Variants in ARPC4 observed in about 807,000 individuals in gnomAD.
ARPC4 encodes actin related protein 2/3 complex subunit 4, also known as actin-related protein 2/3 complex subunit 4.
ARPC4 carries 3 observed loss-of-function variants against 22.8 expected under a neutral mutation model. The ratio of observed to expected loss-of-function variants is 0.13; its 90% CI spans 0.06 to 0.34. The LOEUF is 0.34. Among genes scored for constraint, ARPC4 ranks in the 10% least tolerant of loss-of-function variants. The probability of loss-of-function intolerance (pLI) is 1.00; values close to 1 mark genes in which losing one functional copy is unlikely to be tolerated. For synonymous variants in ARPC4, 80 were observed against 72.5 expected (o/e 1.10, Z -0.52); for missense variants, 98 against 211.0 (o/e 0.46, Z 3.32).
At chr3:9,792,940 C>A, upstream of ARPC4, 1 of 1,414,392 alleles carries the variant, frequency 7.1e-7, no homozygotes, top group South Asian at 1.5e-5. Context: ...ACCGAGACAG[C>A]CCTAGGTGGA....
intron 5 of ARPC4, among the ~76,000 whole-genome samples, chr3:9,805,626 G>A (rs1379672052): frequency 2.0e-5 from 3 of 152,230 alleles, no homozygotes; most frequent in Non-Finnish European, 2.9e-5. Flanking sequence ...AATTCATATT[G>A]TTTTAAACAC....
intron 5 of ARPC4, among the ~76,000 whole-genome samples, chr3:9,805,862 C>G (rs2079096795): frequency 6.6e-6 from 1 of 152,224 alleles, no homozygotes; most frequent in African/African-American, 2.4e-5. Flanking sequence ...TCCCCAGGCC[C>G]CTTGCATGAG....
intron 2 of ARPC4, among the ~76,000 whole-genome samples, chr3:9,799,453 T>G (rs2078964234): frequency 6.6e-6 from 1 of 152,122 alleles, no homozygotes; most frequent in Admixed American, 6.5e-5. Flanking sequence ...AGGTTTTTTT[T>G]TTTTTTTGAG....
intron 2 of ARPC4, 186 bp from the exon 3 acceptor site, chr3:9,799,999 A>C: frequency 4.3e-6 from 3 of 696,928 alleles, no homozygotes; most frequent in Non-Finnish European, 7.7e-6. Context: ...TTTCGCCCTG[A>C]CTTCAGAGCC....
At chr3:9,798,868 G>T (rs569293154) in intron 2 of ARPC4, among the ~76,000 whole-genome samples, 1 of 124,526 alleles carries the variant, frequency 8.0e-6, no homozygotes, top group African/African-American at 3.0e-5. Context: ...GCAAGACTTC[G>T]TCTCAAAAAT....
At chr3:9,793,284 C>A in intron 1 of ARPC4, 160 bp downstream of exon 1, 2 of 1,355,450 alleles carry the variant, frequency 1.5e-6, no homozygotes, top group South Asian at 1.5e-5. Context: ...GGCGGGGGCC[C>A]GAGGTGAGGA....
In ARPC4 at chr3:9,801,599, A is replaced by G. The variant is rs555589889; in HGVS notation, c.235-62A>G. On this transcript the variant is annotated intron_variant, in intron 3 of 5. Coordinates refer to ENST00000397261, the MANE Select transcript of ARPC4 (RefSeq NM_005718.5). ...AAAACTGGAGTCAGAAGACCAGGCT[A>G]CAAGGTGTTTTTGGCCTTGGGTGTC... 16 of 1,507,666 alleles carry G rather than the reference A, an allele frequency of 1.1e-5. 1 individual carries two copies. In the South Asian group the frequency reaches 1.5e-4, roughly 14 times the overall value. 93.4% of individuals were successfully genotyped at this position (1,507,666 alleles called of 1,614,324 possible).
At chr3:9,804,307 C>T (rs977729349) in intron 5 of ARPC4, 12 of 282,868 alleles carry the variant, frequency 4.2e-5, no homozygotes, top group Admixed American at 2.4e-4. Context: ...GTCCTTGCCT[C>T]TATCTCGTTT....
Position 9,806,529 on chromosome 3 carries a change from T to G in ARPC4, c.*314T>G, listed in dbSNP as rs2079109535. On this transcript the variant is annotated 3_prime_UTR_variant, in exon 6 of 6. Coordinates refer to ENST00000397261, the MANE Select transcript of ARPC4 (RefSeq NM_005718.5). ...TAACCTTTTTGTCTTTTTTTTTTTT[T>G]TTTTTTTTAAACCTCCACCTCCAGT... 1 of 451,510 alleles carries G rather than the reference T, an allele frequency of 2.2e-6. No individual in the cohort carries two copies. Among genetic ancestry groups the G allele is most frequent in the Non-Finnish European group, 4.0e-6 (1 of 251,562 alleles). The allele number at this position is 451,510 out of a possible 1,614,324, so 28.0% of individuals were successfully genotyped here. A position where few individuals can be genotyped will look rare whatever the true frequency, so the allele number is the denominator to read the frequency against.
rs1353644905 is a variant in ARPC4 at position 9,804,184 on chromosome 3, C to G, written c.501+171C>G. 12 of 626,636 alleles carry G rather than the reference C, an allele frequency of 1.9e-5. No individual in the cohort carries two copies. The East Asian group carries it at 3.5e-4, about 18-fold the overall frequency. The allele number at this position is 626,636 out of a possible 1,614,324, so 38.8% of individuals were successfully genotyped here. ...CAGGTGCTTTGGAGCTAGAGGACCC[C>G]AAGTTCATCTCTGAGAGCTACAAGG... On this transcript the variant is annotated intron_variant, in intron 5 of 5. Coordinates refer to ENST00000397261, the MANE Select transcript of ARPC4 (RefSeq NM_005718.5).
chr3:9,792,680 G>A (rs2078768599), upstream of ARPC4: 2 of 1,233,366 alleles, frequency 1.6e-6, no homozygotes, highest in Admixed American at 4.2e-5. Flanking sequence ...GCTGCAGTTA[G>A]CCCCGCCGAG....
At chr3:9,792,888 G>T, upstream of ARPC4, 1 of 1,387,722 alleles carries the variant, frequency 7.2e-7, no homozygotes, top group South Asian at 1.6e-5. Context: ...ACCCATTCCT[G>T]GAGGAGCTTA....
intron 2 of ARPC4, among the ~76,000 whole-genome samples, chr3:9,799,534 C>T (rs1172275397): frequency 6.6e-6 from 1 of 152,070 alleles, no homozygotes; most frequent in Non-Finnish European, 1.5e-5. Context: ...CTGCCACCTC[C>T]TGAGTTCGAG....
At chr3:9,803,759 G>A in intron 4 of ARPC4, 84 bp from the exon 5 acceptor site, 2 of 1,402,742 alleles carry the variant, frequency 1.4e-6, no homozygotes, top group Middle Eastern at 1.8e-4. Flanking sequence ...TGGATGAGTG[G>A]AGGACATGAC....
chr3:9,793,143 C>A lies in ARPC4; in HGVS notation c.3+19C>A, dbSNP rs889421209. On this transcript the variant is annotated intron_variant, in intron 1 of 5. Coordinates refer to ENST00000397261, the MANE Select transcript of ARPC4 (RefSeq NM_005718.5). The stretch of plus-strand genomic sequence containing the variant: ...CGCGATGGTGAGAGAGCCGGGCCCC[C>A]GGCCAGGGACCCCCGGCTGTTCGGC... 6.5e-7 allele frequency: 1 copy of A among 1,539,788 alleles called. No homozygotes were observed. Among genetic ancestry groups the A allele is most frequent in the East Asian group, 2.5e-5 (1 of 40,436 alleles).
intron 4 of ARPC4, among the ~76,000 whole-genome samples, chr3:9,802,044 G>T (rs1364879679): frequency 6.6e-6 from 1 of 151,908 alleles, no homozygotes; most frequent in African/African-American, 2.4e-5. Flanking sequence ...TTCAAGACCA[G>T]CCTGGCCAAC....
At chr3:9,792,580 G>C, upstream of ARPC4, 1 of 1,229,386 alleles carries the variant, frequency 8.1e-7, no homozygotes, top group Non-Finnish European at 1.0e-6. Context: ...GAGCAAAGCC[G>C]CTAGAGGTGG....
In ARPC4 at chr3:9,805,397, G is replaced by A. The variant is rs73113589; in HGVS notation, c.502-813G>A. On this transcript the variant is annotated intron_variant, in intron 5 of 5. Coordinates refer to ENST00000397261, the MANE Select transcript of ARPC4 (RefSeq NM_005718.5). ...GTGGAGCTGGGTTTTCGGACTCAGA[G>A]GTCTAAGAAAGTACCATAGCCTTTG... 2.4e-3 allele frequency among the ~76,000 whole-genome samples: 373 copies of A among 152,282 alleles called. 3 individuals are homozygous for A. The highest frequency in any genetic ancestry group is 8.8e-3 in the African/African-American group (365 of 41,556).
chr3:9,803,268 GC>G (rs767772097), intron 4 of ARPC4, among the ~76,000 whole-genome samples: 25 of 152,186 alleles, frequency 1.6e-4, no homozygotes, highest in Non-Finnish European at 2.9e-4. Flanking sequence ...CAGACTCCTT[GC>G]CAGGTAAACT....
Sources: allele counts gnomAD v4.1 joint callset (sites outside exome capture counted in the v4.1 genomes callset), GRCh38; gene constraint gnomAD v4.1.1; transcripts MANE v1.5; gene names NCBI Gene and HGNC (gene_info 2026-07-23, HGNC 2026-07-21).